Variants in BCL2L14 observed in about 807,000 individuals in gnomAD.
BCL2L14 encodes the protein BCL2 like 14, also known as apoptosis facilitator Bcl-2-like protein 14.
A neutral mutation model predicts 35.3 loss-of-function variants in BCL2L14; 27 were observed. The ratio of observed to expected loss-of-function variants is 0.76; its 90% confidence interval spans 0.56 to 1.05. The LOEUF is 1.05. BCL2L14 is among the 50% of genes least tolerant of loss of function. The probability of loss-of-function intolerance (pLI) is 0.00; values close to 1 mark genes in which losing one functional copy is unlikely to be tolerated. For missense variants in BCL2L14, 377 were observed against 382.6 expected (o/e 0.99, Z 0.12); for synonymous variants, 139 against 145.9 (o/e 0.95, Z 0.34).
chr12:12,050,771 C>CA (rs1948341321), intron 1 of BCL2L14, among the ~76,000 whole-genome samples: 1 of 109,816 alleles, frequency 9.1e-6, no homozygotes, highest in South Asian at 3.0e-4. Context: ...ATAAAACACA[C>CA]TAACACTAAT....
rs527914969 is a variant in BCL2L14, at chr12:12,090,839, T to G, written c.668T>G (p.Leu223Trp). 6.2e-7 allele frequency: 1 copy of G among 1,612,844 alleles called. No homozygotes were observed. The highest frequency in any genetic ancestry group is 1.7e-5 in the Admixed American group (1 of 59,956). Residue 223 changes from leucine to tryptophan, a missense_variant, in exon 4 of 6, where the codon TTG becomes TGG. By Grantham distance (61) the Leu-to-Trp change is moderately conservative. Coordinates refer to ENST00000308721, the MANE Select transcript of BCL2L14 (RefSeq NM_138723.2). ...CTGCTGAAATATTCAGGAGATCAGTTGGAAAGAAAGGTATGGAACACCTTG... is the reference window on the plus strand; with the variant it reads ...CTGCTGAAATATTCAGGAGATCAGTGGGAAAGAAAGGTATGGAACACCTTG... Reference protein sequence around the residue: ...VELLKYSGDQLERKLKKDKAL... With the variant: ...VELLKYSGDQWERKLKKDKAL...
intron 2 of BCL2L14, among the ~76,000 whole-genome samples, chr12:12,061,488 C>T (rs1948525239): frequency 9.7e-6 from 1 of 103,502 alleles, no homozygotes; most frequent in African/African-American, 3.6e-5. Context: ...CTTACCTGTC[C>T]TAGAACAAGA....
At chr12:12,073,895 C>T (rs1461665127) in intron 1 of BCL2L14, among the ~76,000 whole-genome samples, 6 of 152,108 alleles carry the variant, frequency 3.9e-5, no homozygotes, top group Non-Finnish European at 5.9e-5. Flanking sequence ...GTCTGCCGCA[C>T]CTAATTCTGA....
In BCL2L14 at chr12:12,082,886, G is replaced by C. The variant is rs557512628; in HGVS notation, c.433+3148G>C. Among the ~76,000 whole-genome samples, 35 of 152,254 alleles carry C rather than the reference G, an allele frequency of 2.3e-4. No homozygotes were observed. In the South Asian group the frequency reaches 5.0e-3, roughly 22 times the overall value. On this transcript the variant is annotated intron_variant, in intron 2 of 5. Coordinates refer to ENST00000308721, the MANE Select transcript of BCL2L14 (RefSeq NM_138723.2). ...GTTTTACATTGAGCGTGATCCAAGA[G>C]AGCCTCACATTCTATTTCTATTTTG...
chr12:12,099,658 G>A lies in BCL2L14; in HGVS notation c.*670G>A, dbSNP rs1949386392. 1.3e-5 allele frequency: 2 copies of A among 152,154 alleles called. No homozygotes were observed. Among genetic ancestry groups the A allele is most frequent in the African/African-American group, 4.8e-5 (2 of 41,444 alleles). The allele number at this position is 152,154 out of a possible 1,614,324, so 9.4% of individuals were successfully genotyped here. On this transcript the variant is annotated 3_prime_UTR_variant, in exon 6 of 6. Transcript: ENST00000308721. ...CTTTGTGGTAGTACAATGATTGGTA[G>A]CAGGTAAAATAAATACATAGAAAGA...
chr12:12,096,513 A>C (rs903961119), intron 5 of BCL2L14, among the ~76,000 whole-genome samples: 3 of 152,086 alleles, frequency 2.0e-5, no homozygotes, highest in Non-Finnish European at 2.9e-5. Context: ...ATCTAAATAC[A>C]TAATGAACTA....
At chr12:12,059,702 T>C (rs949194912) in intron 2 of BCL2L14, among the ~76,000 whole-genome samples, 7 of 152,072 alleles carry the variant, frequency 4.6e-5, no homozygotes, top group Admixed American at 2.0e-4. Flanking sequence ...TCCTTCTTCT[T>C]CCTTAGCCTG....
chr12:12,098,441 G>A (rs750657545), intron 5 of BCL2L14, among the ~76,000 whole-genome samples: 5 of 152,144 alleles, frequency 3.3e-5, no homozygotes, highest in Non-Finnish European at 7.3e-5. Context: ...CACCATAGAT[G>A]TTCAGCCAGT....
chr12:12,083,932 G>A (rs1210615984), intron 2 of BCL2L14, among the ~76,000 whole-genome samples: 1 of 151,970 alleles, frequency 6.6e-6, no homozygotes, highest in Non-Finnish European at 1.5e-5. Flanking sequence ...TGGATGACGG[G>A]GTGAAAAAAA....
intron 2 of BCL2L14, among the ~76,000 whole-genome samples, chr12:12,065,609 T>C (rs762891675): frequency 6.7e-6 from 1 of 150,118 alleles, no homozygotes; most frequent in Non-Finnish European, 1.5e-5. Flanking sequence ...TGGCAAACTG[T>C]GGGAAGGTAA....
At chr12:12,087,965 C>A (rs1201981038) in intron 3 of BCL2L14, among the ~76,000 whole-genome samples, 1 of 152,142 alleles carries the variant, frequency 6.6e-6, no homozygotes, top group Admixed American at 6.5e-5. Context: ...GGGAGCAAAG[C>A]CAAGTGCCAC....
chr12:12,064,226 C>T (rs1053118824), intron 2 of BCL2L14, among the ~76,000 whole-genome samples: 2 of 152,136 alleles, frequency 1.3e-5, no homozygotes, highest in Non-Finnish European at 2.9e-5. Flanking sequence ...AACTCCTGGG[C>T]TCAAGTGATC....
At chr12:12,086,661 A>G (rs1333354049) in intron 2 of BCL2L14, among the ~76,000 whole-genome samples, 4 of 152,238 alleles carry the variant, frequency 2.6e-5, no homozygotes, top group East Asian at 1.9e-4. Flanking sequence ...GAGAGGAGAG[A>G]AGAGGCAGAA....
At chr12:12,077,381 G>C (rs555605682) in intron 1 of BCL2L14, among the ~76,000 whole-genome samples, 18 of 151,758 alleles carry the variant, frequency 1.2e-4, no homozygotes, top group Non-Finnish European at 2.5e-4. Flanking sequence ...GTCTCTAAAA[G>C]ACAAAACAAA....
chr12:12,051,014 C>A (rs989277354), intron 1 of BCL2L14, among the ~76,000 whole-genome samples: 8 of 151,020 alleles, frequency 5.3e-5, no homozygotes, highest in Non-Finnish European at 7.4e-5. Flanking sequence ...TGAAGCTAAA[C>A]TGAAAGGTTT....
chr12:12,096,042 AC>A (rs1949305678), intron 5 of BCL2L14: 1 of 985,050 alleles, frequency 1.0e-6, no homozygotes, highest in Non-Finnish European at 1.2e-6. Flanking sequence ...GGATTCCTTC[AC>A]CCCAACAACC....
rs74064622 is a variant in BCL2L14 at position 12,094,480 on chromosome 12, C to T, written c.679-184C>T. 2,380 of 1,551,958 alleles carry T rather than the reference C, an allele frequency of 1.5e-3. 28 individuals are homozygous for T. The African/African-American group carries it at 0.028, about 18-fold the overall frequency. On this transcript the variant is annotated intron_variant, in intron 4 of 5. Transcript: ENST00000308721. ...ATTTGTGCTGATGAAATGAATTCACCGAGCAGTACATGCCCATTCTGGTTC... is the reference window on the plus strand; with the variant it reads ...ATTTGTGCTGATGAAATGAATTCACTGAGCAGTACATGCCCATTCTGGTTC...
chr12:12,097,714 T>C (rs994263627), intron 5 of BCL2L14, among the ~76,000 whole-genome samples: 5 of 152,154 alleles, frequency 3.3e-5, no homozygotes, highest in African/African-American at 9.7e-5. Flanking sequence ...AAACTAGCAG[T>C]TCTAATTCTA....
intron 1 of BCL2L14, among the ~76,000 whole-genome samples, chr12:12,074,095 A>G (rs1284901278): frequency 4.6e-5 from 7 of 152,212 alleles, no homozygotes; most frequent in Admixed American, 3.9e-4. Flanking sequence ...TATTTGGGAC[A>G]TATACTAATA....
Sources: allele counts gnomAD v4.1 joint callset (sites outside exome capture counted in the v4.1 genomes callset), GRCh38; gene constraint gnomAD v4.1.1; transcripts MANE v1.5; gene names NCBI Gene and HGNC (gene_info 2026-07-23, HGNC 2026-07-21).